Variants in WWOX observed in about 807,000 individuals in gnomAD.
The protein encoded by WWOX is WW domain-containing oxidoreductase.
Under a neutral mutation model 46.2 loss-of-function variants are expected in WWOX, and 69 were observed. The ratio of observed to expected loss-of-function variants is 1.49; its 90% confidence interval spans 1.23 to 1.82. The LOEUF is 1.82. Among genes scored for constraint, WWOX ranks in the 40% most tolerant of loss-of-function variants. The pLI is 0.00. For synonymous variants in WWOX, 359 were observed against 202.6 expected (o/e 1.77, Z -6.56); for missense variants, 919 against 542.6 (o/e 1.69, Z -6.89).
chr16:78,606,507 C>A (rs906108042), intron 8 of WWOX, among the ~76,000 whole-genome samples: 1 of 151,990 alleles, frequency 6.6e-6, no homozygotes, highest in Non-Finnish European at 1.5e-5. Context: ...CCGGGAATTT[C>A]TTGTACCCTT....
chr16:78,395,529 G>C lies in WWOX; in HGVS notation c.605+8581G>C, dbSNP rs112459785. 2.4e-3 allele frequency among the ~76,000 whole-genome samples: 369 copies of C among 152,132 alleles called. 3 individuals carry two copies. Among genetic ancestry groups the C allele is most frequent in the African/African-American group, 8.7e-3 (360 of 41,498 alleles). On this transcript the variant is annotated intron_variant, in intron 6 of 8. Transcript: ENST00000566780. ...CCTGTCTTGTAAAGAAAAGGAAAAA[G>C]AGAGAGAAGGGCAGAAAGAAAGAAG...
At chr16:79,014,910 T>C (rs1222008561) in intron 8 of WWOX, among the ~76,000 whole-genome samples, 1 of 152,214 alleles carries the variant, frequency 6.6e-6, no homozygotes, top group Non-Finnish European at 1.5e-5. Context: ...TACTGATACC[T>C]GTGGTGGCAC....
chr16:78,384,001 A>G (rs562705542), intron 5 of WWOX, among the ~76,000 whole-genome samples: 1 of 152,306 alleles, frequency 6.6e-6, no homozygotes, highest in South Asian at 2.1e-4. Context: ...AAAACTTAGC[A>G]GTTGTAAGTT....
At chr16:78,415,215 C>A (rs775186554) in intron 6 of WWOX, among the ~76,000 whole-genome samples, 1 of 151,612 alleles carries the variant, frequency 6.6e-6, no homozygotes, top group African/African-American at 2.4e-5. Flanking sequence ...CTTTTTAGAC[C>A]ATATAGGGTA....
intron 8 of WWOX, among the ~76,000 whole-genome samples, chr16:78,533,823 G>T (rs879777064): frequency 2.6e-5 from 4 of 152,110 alleles, no homozygotes; most frequent in Non-Finnish European, 5.9e-5. Flanking sequence ...TCTCGTCCTC[G>T]CCCTCAGCAT....
chr16:78,470,356 T>C (rs1329695516), intron 8 of WWOX, among the ~76,000 whole-genome samples: 1 of 152,206 alleles, frequency 6.6e-6, no homozygotes, highest in East Asian at 1.9e-4. Context: ...GATGTATTGT[T>C]TGTTTAAAAT....
chr16:78,805,762 C>G (rs979569007), intron 8 of WWOX, among the ~76,000 whole-genome samples: 1 of 152,208 alleles, frequency 6.6e-6, no homozygotes, highest in Non-Finnish European at 1.5e-5. Context: ...ACGGCTATAT[C>G]TCCATAGATA....
intron 5 of WWOX, among the ~76,000 whole-genome samples, chr16:78,266,788 TTCTCTCTCTCTCTCTC>T (rs60393431): frequency 0.069 from 8,014 of 115,640 alleles, 352 homozygotes; most frequent in East Asian, 0.24. Context: ...TATTCTTCTA[TTCTCTCTCTCTCTCTC>T]TCTCTCTCTC....
chr16:78,806,065 C>T (rs567801715), intron 8 of WWOX, among the ~76,000 whole-genome samples: 5 of 152,254 alleles, frequency 3.3e-5, no homozygotes, highest in Admixed American at 3.3e-4. Context: ...TCTTAGCAGT[C>T]AAAGCAATAA....
At position 78,660,597 on chromosome 16, in the gene WWOX, C is replaced by T. The variant is rs540161919; in HGVS notation, c.1056+227845C>T. On this transcript the variant is annotated intron_variant, in intron 8 of 8. Coordinates refer to ENST00000566780, the MANE Select transcript of WWOX (RefSeq NM_016373.4). ...ATTTGTGTTGTTTCTGCTTGTTTTGCTTGCCACCAGCTCCCTACTCACTTG... is the reference window on the plus strand; with the variant it reads ...ATTTGTGTTGTTTCTGCTTGTTTTGTTTGCCACCAGCTCCCTACTCACTTG... Among the ~76,000 whole-genome samples the T allele has an allele frequency of 2.6e-5, 4 of 152,158 alleles. No homozygotes were observed. The East Asian group carries it at 7.8e-4, about 29-fold the overall frequency.
chr16:78,271,361 C>T lies in WWOX; in HGVS notation c.516+107072C>T, dbSNP rs552397234. ...TCGCTCTTGCTTCCGTCACCTCGTG[C>T]TTTGAAACATAACCACAGTGTGCTG... On this transcript the variant is annotated intron_variant, in intron 5 of 8. Coordinates refer to ENST00000566780, the MANE Select transcript of WWOX (RefSeq NM_016373.4). Among the ~76,000 whole-genome samples, 6 of 152,292 alleles carry T rather than the reference C, an allele frequency of 3.9e-5. No individual in the cohort carries two copies. The South Asian group carries it at 1.2e-3, about 32-fold the overall frequency.
intron 4 of WWOX, among the ~76,000 whole-genome samples, chr16:78,162,647 A>G (rs1391403360): frequency 6.6e-6 from 1 of 151,890 alleles, no homozygotes; most frequent in Non-Finnish European, 1.5e-5. Flanking sequence ...TGCGTCATTG[A>G]TTTTGTAACA....
intron 5 of WWOX, among the ~76,000 whole-genome samples, chr16:78,249,132 C>T (rs776589169): frequency 6.6e-6 from 1 of 152,064 alleles, no homozygotes. Flanking sequence ...AGATTACAGG[C>T]GTGAGCCACC....
chr16:78,644,066 T>C (rs1278848989), intron 8 of WWOX, among the ~76,000 whole-genome samples: 1 of 151,948 alleles, frequency 6.6e-6, no homozygotes, highest in African/African-American at 2.4e-5. Flanking sequence ...CTTCTAAAAG[T>C]ACAAAATTAG....
Position 79,211,653 on chromosome 16 carries a change from C to A in WWOX, c.1102C>A (p.Leu368Met). The A allele has an allele frequency of 6.2e-7, 1 of 1,614,212 alleles. No individual in the cohort carries two copies. Among genetic ancestry groups the A allele is most frequent in the African/African-American group, 1.3e-5 (1 of 75,058 alleles). Residue 368 changes from leucine to methionine, a missense_variant, in exon 9 of 9, where the codon CTG becomes ATG. Physicochemically the swap from Leu to Met is conservative, Grantham distance 15. Coordinates refer to ENST00000566780, the MANE Select transcript of WWOX (RefSeq NM_016373.4). ...TTVYCAAVPE[L>M]EGLGGMYFNN... ...CGTGTACTGTGCTGCTGTCCCAGAA[C>A]TGGAGGGTCTGGGAGGGATGTACTT...
chr16:78,982,788 C>A (rs1412397011), intron 8 of WWOX, among the ~76,000 whole-genome samples: 1 of 152,162 alleles, frequency 6.6e-6, no homozygotes, highest in Non-Finnish European at 1.5e-5. Flanking sequence ...CCAGAATATT[C>A]TCTTCTAAAA....
chr16:78,199,897 A>G (rs899134788), intron 5 of WWOX, among the ~76,000 whole-genome samples: 1 of 152,178 alleles, frequency 6.6e-6, no homozygotes, highest in Non-Finnish European at 1.5e-5. Context: ...TGGAGTGATC[A>G]ATGGTATGAG....
intron 8 of WWOX, among the ~76,000 whole-genome samples, chr16:78,930,270 T>TTCCTTCCTTCCTTCCTTC (rs2045593627): frequency 7.3e-5 from 4 of 54,692 alleles, no homozygotes; most frequent in African/African-American, 3.0e-4. Context: ...TTCCTTCCTT[T>TTCCTTCCTTCCTTCCTTC]CTCTCTTTCT....
chr16:78,238,707 C>T lies in WWOX; in HGVS notation c.516+74418C>T, dbSNP rs184447810. On this transcript the variant is annotated intron_variant, in intron 5 of 8. Transcript: ENST00000566780. The stretch of plus-strand genomic sequence containing the variant: ...TGATCTTGGCTCGCCATGATCTCTA[C>T]CTCCCAGGTTCAAGCGATTCTCCTG... Among the ~76,000 whole-genome samples, 355 of 152,046 alleles carry T rather than the reference C, an allele frequency of 2.3e-3. 1 individual carries two copies. Among genetic ancestry groups the T allele is most frequent in the African/African-American group, 8.2e-3 (341 of 41,470 alleles).
Sources: allele counts gnomAD v4.1 joint callset (sites outside exome capture counted in the v4.1 genomes callset), GRCh38; gene constraint gnomAD v4.1.1; transcripts MANE v1.5; gene names NCBI Gene and HGNC (gene_info 2026-07-23, HGNC 2026-07-21).